ACSL3: variants seen among roughly 807,000 people sequenced by gnomAD.
ACSL3 encodes the protein fatty acid CoA ligase Acsl3.
Under a neutral mutation model 84.7 loss-of-function variants are expected in ACSL3, and 34 were observed. That is an observed-to-expected ratio of 0.40 (90% CI 0.31 to 0.53). ACSL3 has a LOEUF of 0.53. Among genes scored for constraint, ACSL3 ranks in the 20% least tolerant of loss-of-function variants. ACSL3 has a pLI of 0.48. For synonymous variants in ACSL3, 315 were observed against 299.4 expected (o/e 1.05, Z -0.54); for missense variants, 680 against 873.1 (o/e 0.78, Z 2.79).
At chr2:222,929,636 G>T (rs1311893386) in intron 13 of ACSL3, among the ~76,000 whole-genome samples, 4 of 151,974 alleles carry the variant, frequency 2.6e-5, no homozygotes, top group African/African-American at 9.7e-5. Flanking sequence ...AAATTAGCCA[G>T]GCGTGGTGGT....
intron 1 of ACSL3, among the ~76,000 whole-genome samples, chr2:222,865,770 T>C (rs1695119086): frequency 6.7e-6 from 1 of 148,558 alleles, no homozygotes. Flanking sequence ...GGAAATAGAA[T>C]GTTTTACCTT....
intron 1 of ACSL3, among the ~76,000 whole-genome samples, chr2:222,862,239 G>T (rs1190801332): frequency 6.6e-6 from 1 of 152,168 alleles, no homozygotes; most frequent in African/African-American, 2.4e-5. Flanking sequence ...TGGGGTGGGG[G>T]TTATTCCCAT....
In ACSL3 at chr2:222,928,893, A is replaced by G; in HGVS notation, c.1497A>G (p.Ala499=). The part of the protein sequence containing the change: ...VWDYNTGRVG[A]PLVCCEIKLK... ...ACTACAATACTGGCAGAGTGGGAGC[A>G]CCATTAGTTTGCTGTGAAATCAAAT... Residue 499 remains alanine, a synonymous_variant, in exon 13 of 17, where the codon GCA becomes GCG. Transcript: ENST00000357430. The G allele has an allele frequency of 6.2e-7, 1 of 1,613,846 alleles. No individual in the cohort carries two copies. The highest frequency in any genetic ancestry group is 8.5e-7 in the Non-Finnish European group (1 of 1,179,862).
At chr2:222,882,037 C>T (rs966986225) in intron 1 of ACSL3, among the ~76,000 whole-genome samples, 2 of 152,142 alleles carry the variant, frequency 1.3e-5, no homozygotes, top group African/African-American at 4.8e-5. Context: ...AAGAGATTGT[C>T]CTATGTGGTA....
chr2:222,873,485 T>G (rs1164272295), intron 1 of ACSL3, among the ~76,000 whole-genome samples: 2 of 152,242 alleles, frequency 1.3e-5, no homozygotes, highest in Non-Finnish European at 1.5e-5. Context: ...TATAATGAAT[T>G]TATATATTTG....
chr2:222,892,126 G>A (rs529621028), intron 2 of ACSL3, among the ~76,000 whole-genome samples: 10 of 152,290 alleles, frequency 6.6e-5, no homozygotes, highest in African/African-American at 2.4e-4. Context: ...TTGAAAGATT[G>A]TGTTAGTATT....
intron 2 of ACSL3, among the ~76,000 whole-genome samples, chr2:222,897,876 A>C (rs1696027980): frequency 1.3e-5 from 1 of 77,652 alleles, no homozygotes. Context: ...GCAGCAGTAC[A>C]GTCCAGCTTC....
chr2:222,877,943 G>A (rs1183237146), intron 1 of ACSL3, among the ~76,000 whole-genome samples: 2 of 152,156 alleles, frequency 1.3e-5, no homozygotes, highest in South Asian at 2.1e-4. Flanking sequence ...TATATTTGCT[G>A]TCTTTCTTAG....
chr2:222,916,041 A>G (rs1574551834), intron 4 of ACSL3, among the ~76,000 whole-genome samples: 1 of 152,192 alleles, frequency 6.6e-6, no homozygotes, highest in East Asian at 1.9e-4. Context: ...GTTGACCTTT[A>G]CGAGCCTATC....
At chr2:222,866,623 T>G (rs554367960) in intron 1 of ACSL3, among the ~76,000 whole-genome samples, 1 of 151,974 alleles carries the variant, frequency 6.6e-6, no homozygotes, top group South Asian at 2.1e-4. Flanking sequence ...AGTGACAGTT[T>G]GAAGTTCATG....
intron 14 of ACSL3, among the ~76,000 whole-genome samples, chr2:222,931,369 G>A (rs1430314190): frequency 4.0e-5 from 6 of 150,620 alleles, no homozygotes; most frequent in Admixed American, 6.6e-5. Flanking sequence ...AGCGGAGATC[G>A]CGACACTGCA....
rs77869293 is a variant in ACSL3 at position 222,875,804 on chromosome 2, A to G, written c.-206-12026A>G. 5.3e-5 allele frequency among the ~76,000 whole-genome samples: 8 copies of G among 152,284 alleles called. No individual in the cohort carries two copies. The East Asian group carries it at 1.5e-3, about 29-fold the overall frequency. On this transcript the variant is annotated intron_variant, in intron 1 of 16. Transcript: ENST00000357430. ...TTGTCCAGTTCAGTGTCATAAGCAC[A>G]GACATAATTCCTTAGCTTATTGCTG... is the stretch of plus-strand genomic sequence containing the variant.
At chr2:222,881,304 C>A (rs1202397685) in intron 1 of ACSL3, among the ~76,000 whole-genome samples, 1 of 152,206 alleles carries the variant, frequency 6.6e-6, no homozygotes, top group East Asian at 1.9e-4. Flanking sequence ...TGTGCAGTGG[C>A]ACTTGCGGTT....
rs1697006589 is a variant in ACSL3 at position 222,930,688 on chromosome 2, A to G, written c.1608A>G (p.Thr536=). 6.2e-7 allele frequency: 1 copy of G among 1,614,166 alleles called. No individual in the cohort carries two copies. Among genetic ancestry groups the G allele is most frequent in the Non-Finnish European group, 8.5e-7 (1 of 1,180,008 alleles). ...TTCTTATTGGGGGCCAAAGTGTGAC[A>G]ATGGGGTACTACAAAAATGAAGCAA... ...GEILIGGQSV[T]MGYYKNEAKT... The change falls in exon 14 of 17, where the codon ACA becomes ACG. Residue 536 remains threonine, a synonymous_variant. Transcript: ENST00000357430.
chr2:222,890,890 A>C (rs1407452747), intron 2 of ACSL3, among the ~76,000 whole-genome samples: 3 of 152,152 alleles, frequency 2.0e-5, no homozygotes, highest in Non-Finnish European at 4.4e-5. Context: ...TGATCTGCCC[A>C]CTTCAGCCTC....
At chr2:222,901,498 T>TTTG (rs1553592047) in intron 3 of ACSL3, among the ~76,000 whole-genome samples, 1 of 25,086 alleles carries the variant, frequency 4.0e-5, no homozygotes, top group Non-Finnish European at 6.4e-5. Flanking sequence ...GTCATCCAAG[T>TTTG]TTGTTCTTTT....
intron 8 of ACSL3, among the ~76,000 whole-genome samples, chr2:222,921,667 G>A (rs1043750399): frequency 2.6e-5 from 4 of 152,238 alleles, no homozygotes; most frequent in African/African-American, 9.6e-5. Context: ...AATTTGTATA[G>A]TTGTAAATCC....
At chr2:222,925,864 A>G (rs1213914330) in intron 11 of ACSL3, among the ~76,000 whole-genome samples, 2 of 152,212 alleles carry the variant, frequency 1.3e-5, no homozygotes, top group African/African-American at 4.8e-5. Context: ...GTGTTAATAG[A>G]GTACATAGAT....
chr2:222,893,645 C>G (rs1021775959), intron 2 of ACSL3, among the ~76,000 whole-genome samples: 1 of 152,140 alleles, frequency 6.6e-6, no homozygotes, highest in Non-Finnish European at 1.5e-5. Flanking sequence ...AACACGTCAT[C>G]TCTGATAGAA....
Sources: gnomAD v4.1 joint callset for allele counts (sites outside exome capture counted in the v4.1 genomes callset) on GRCh38, gnomAD v4.1.1 for gene constraint, MANE v1.5 for transcripts, NCBI Gene and HGNC (gene_info 2026-07-23, HGNC 2026-07-21) for gene names.